Variants in CASD1 observed in about 807,000 individuals in gnomAD.
CASD1 encodes the protein CAS1 domain sialic acid O acetyltransferase 1.
In CASD1, 41 loss-of-function variants were observed where a neutral mutation model predicts 100.0. That is an observed-to-expected ratio of 0.41 (90% confidence interval 0.32 to 0.53). CASD1 has a LOEUF of 0.53. Among genes scored for constraint, CASD1 ranks in the 20% least tolerant of loss-of-function variants. The pLI is 0.25. For synonymous variants in CASD1, 321 were observed against 315.6 expected, an observed-to-expected ratio of 1.02 and a Z score of -0.18; for missense variants, 774 against 948.7, an observed-to-expected ratio of 0.82 and a Z score of 2.42.
At chr7:94,538,445 A>T (rs955136950) in intron 9 of CASD1, among the ~76,000 whole-genome samples, 6 of 152,134 alleles carry the variant, frequency 3.9e-5, no homozygotes, top group African/African-American at 1.4e-4. Flanking sequence ...GATTTATTTG[A>T]ATTACTGAAT....
intron 5 of CASD1, 134 bp downstream of exon 5, chr7:94,528,384 G>A (rs778739901): frequency 1.6e-5 from 9 of 578,116 alleles, no homozygotes; most frequent in Non-Finnish European, 2.4e-5. Flanking sequence ...CAACTAAACT[G>A]TGCTGGACTG....
intron 3 of CASD1, among the ~76,000 whole-genome samples, chr7:94,524,520 G>A (rs991700327): frequency 6.6e-6 from 1 of 152,100 alleles, no homozygotes; most frequent in African/African-American, 2.4e-5. Flanking sequence ...CTGTGTACCA[G>A]TAGATGTCTT....
chr7:94,626,471 T>G, the CASD1 span: 1 of 152,064 alleles, frequency 6.6e-6, no homozygotes, highest in Non-Finnish European at 1.5e-5. Context: ...TTATTCCTAG[T>G]ACCTCAACAT....
the CASD1 span, among the ~76,000 whole-genome samples, chr7:94,633,818 T>C: frequency 2.6e-5 from 4 of 152,140 alleles, no homozygotes; most frequent in East Asian, 7.7e-4. Flanking sequence ...TGCCAATGAA[T>C]CCACAGCATA....
chr7:94,588,799 AC>A, the CASD1 span: 1 of 1,601,706 alleles, frequency 6.2e-7, no homozygotes, highest in Non-Finnish European at 8.5e-7. Context: ...GAGCAGACAT[AC>A]TAGAATGAAA....
At chr7:94,561,433 T>C (rs1306652822), downstream of CASD1, among the ~76,000 whole-genome samples, 1 of 152,184 alleles carries the variant, frequency 6.6e-6, no homozygotes, top group Non-Finnish European at 1.5e-5. Flanking sequence ...AAAGTTAGGC[T>C]TTCTATGGAT....
rs1793593985 is a variant in CASD1 at position 94,509,866 on chromosome 7, TG to T, written c.-213del. The T allele has an allele frequency of 3.0e-6, 3 of 1,013,112 alleles. No individual in the cohort carries two copies. The highest frequency in any genetic ancestry group is 9.7e-5 in the East Asian group (1 of 10,294). 62.8% of individuals were successfully genotyped at this position (1,013,112 alleles called of 1,614,324 possible). A position where few individuals can be genotyped will look rare whatever the true frequency, so the allele number is the denominator to read the frequency against. On this transcript the variant is annotated 5_prime_UTR_variant, in exon 1 of 18. Transcript: ENST00000297273. ...CACGGCGGAGCAGCGGCGGCGGGGC[TG>T]GGGGGAGGCCGCCGAGTCGGCCGCG... is the stretch of plus-strand genomic sequence containing the variant.
the CASD1 span, chr7:94,598,703 G>C: frequency 1.9e-6 from 2 of 1,039,448 alleles, no homozygotes; most frequent in African/African-American, 1.6e-5. Flanking sequence ...ACAACAGAAA[G>C]CTCTGTTCTT....
rs1271956320 is a variant in CASD1 at position 94,555,891 on chromosome 7, A to G, written c.*133A>G. 5.9e-6 allele frequency: 5 copies of G among 854,232 alleles called. No individual in the cohort carries two copies. The highest frequency in any genetic ancestry group is 5.4e-6 in the Non-Finnish European group (3 of 559,572). 52.9% of individuals were successfully genotyped at this position (854,232 alleles called of 1,614,324 possible). A position where few individuals can be genotyped will look rare whatever the true frequency, so the allele number is the denominator to read the frequency against. The stretch of plus-strand genomic sequence containing the variant: ...TGTGGCAAGAGGACAGTTCTGTGAC[A>G]TCTGTTGAACATATGTGGTTGTATA... On this transcript the variant is annotated 3_prime_UTR_variant, in exon 18 of 18. Transcript: ENST00000297273.
intron 3 of CASD1, among the ~76,000 whole-genome samples, chr7:94,519,677 A>C (rs1383470599): frequency 6.6e-6 from 1 of 152,054 alleles, no homozygotes; most frequent in African/African-American, 2.4e-5. Context: ...ATAATTAAAA[A>C]AATTTTTTTA....
At chr7:94,516,886 CT>C (rs1794002943) in intron 1 of CASD1, among the ~76,000 whole-genome samples, 2 of 151,140 alleles carry the variant, frequency 1.3e-5, no homozygotes, top group Admixed American at 6.6e-5. Context: ...AAAGTCGTGT[CT>C]TTTATCCCTT....
At chr7:94,512,062 T>C (rs1224104199) in intron 1 of CASD1, among the ~76,000 whole-genome samples, 4 of 152,240 alleles carry the variant, frequency 2.6e-5, no homozygotes, top group Admixed American at 2.0e-4. Flanking sequence ...TTACCAGGAA[T>C]ATCCTCATGC....
At chr7:94,586,308 T>TAAAAG in the CASD1 span, among the ~76,000 whole-genome samples, 1 of 151,970 alleles carries the variant, frequency 6.6e-6, no homozygotes, top group African/African-American at 2.4e-5. Context: ...ATAATCAGGG[T>TAAAAG]AAAAGAAAAG....
chr7:94,558,028 C>G (rs78900546), downstream of CASD1, among the ~76,000 whole-genome samples: 468 of 152,200 alleles, frequency 3.1e-3, 5 homozygotes, highest in African/African-American at 0.011. Flanking sequence ...TCTCTAAATT[C>G]AGATTTTTCT....
the CASD1 span, chr7:94,585,396 CAT>C: frequency 2.0e-6 from 2 of 1,008,782 alleles, no homozygotes; most frequent in South Asian, 1.3e-5. Context: ...ACATGCATAA[CAT>C]ATGCCAGAAA....
At chr7:94,620,564 CAATA>C in the CASD1 span, 2 of 152,086 alleles carry the variant, frequency 1.3e-5, no homozygotes, top group African/African-American at 4.8e-5. Flanking sequence ...AGTTTCTTGG[CAATA>C]AATAATAAAA....
chr7:94,540,054 T>G (rs117680741), intron 10 of CASD1, among the ~76,000 whole-genome samples: 1 of 152,150 alleles, frequency 6.6e-6, no homozygotes, highest in Admixed American at 6.6e-5. Context: ...ACAGGATTAT[T>G]ATGATCTCTG....
At chr7:94,605,556 A>G in the CASD1 span, among the ~76,000 whole-genome samples, 27 of 152,278 alleles carry the variant, frequency 1.8e-4, no homozygotes, top group Admixed American at 1.4e-3. Flanking sequence ...GGATTATTTT[A>G]TCATAAGATA....
chr7:94,526,638 A>T (rs951734753), intron 3 of CASD1, among the ~76,000 whole-genome samples: 3 of 152,168 alleles, frequency 2.0e-5, no homozygotes, highest in Non-Finnish European at 4.4e-5. Flanking sequence ...AAATTTTTTT[A>T]AAAAATTAGC....
Sources: gnomAD v4.1 joint callset for allele counts (sites outside exome capture counted in the v4.1 genomes callset) on GRCh38, gnomAD v4.1.1 for gene constraint, MANE v1.5 for transcripts, NCBI Gene and HGNC (gene_info 2026-07-23, HGNC 2026-07-21) for gene names.